Variants in PLCL2 observed in about 807,000 individuals in gnomAD.
PLCL2 encodes the protein phospholipase C like 2.
PLCL2 carries 4 observed loss-of-function variants against 79.6 expected under a neutral mutation model. The ratio of observed to expected loss-of-function variants is 0.05; its 90% CI spans 0.02 to 0.11. The LOEUF is 0.11. PLCL2 is among the 10% of genes least tolerant of loss of function. The pLI is 1.00. For missense variants in PLCL2, 895 were observed against 1,291.0 expected, an observed-to-expected ratio of 0.69 and a Z score of 4.70; for synonymous variants, 484 against 457.7, an observed-to-expected ratio of 1.06 and a Z score of -0.73.
intron 1 of PLCL2, among the ~76,000 whole-genome samples, chr3:16,916,565 G>A (rs1406673697): frequency 1.3e-5 from 2 of 152,174 alleles, no homozygotes; most frequent in African/African-American, 4.8e-5. Context: ...CACCCAGTAT[G>A]TCAAAGAAAA....
chr3:17,060,278 G>A (rs2064937562), intron 4 of PLCL2, among the ~76,000 whole-genome samples: 1 of 152,186 alleles, frequency 6.6e-6, no homozygotes, highest in African/African-American at 2.4e-5. Flanking sequence ...TTGTACTGCT[G>A]TGGATTTGGC....
chr3:17,020,295 T>C (rs1050578756), intron 3 of PLCL2, among the ~76,000 whole-genome samples: 21 of 152,208 alleles, frequency 1.4e-4, no homozygotes, highest in African/African-American at 4.8e-4. Context: ...CTAAAGTTTT[T>C]TGTTAATTTT....
chr3:16,994,970 T>A (rs2064139325), intron 1 of PLCL2, among the ~76,000 whole-genome samples: 2 of 152,134 alleles, frequency 1.3e-5, no homozygotes, highest in African/African-American at 4.8e-5. Flanking sequence ...TGAATTAGAG[T>A]GTCCAAAGGT....
intron 3 of PLCL2, among the ~76,000 whole-genome samples, chr3:17,016,729 C>A (rs932067201): frequency 6.6e-6 from 1 of 152,082 alleles, no homozygotes; most frequent in African/African-American, 2.4e-5. Context: ...CTAAATAGTT[C>A]TTGACTTAAG....
At position 17,010,784 on chromosome 3, in the gene PLCL2, A is replaced by G; in HGVS notation, c.1438A>G (p.Asn480Asp). 1 of 1,614,200 alleles carries G rather than the reference A, an allele frequency of 6.2e-7. No individual in the cohort carries two copies. Among genetic ancestry groups the G allele is most frequent in the East Asian group, 2.2e-5 (1 of 44,882 alleles). The change falls in exon 2 of 6, where the codon AAT becomes GAT. Residue 480 changes from asparagine to aspartate, a missense_variant. Around this residue, in one of 6 missense-constraint regions of PLCL2, gnomAD observed 242 missense variants for 399.5 expected, o/e 0.61. Transcript: ENST00000615277. The surrounding 1 kb of genome is among the most constrained non-coding windows in gnomAD (Gnocchi z 5.8). ...VELDVWDGPD[N>D]EPVIYTGHTM... The stretch of plus-strand genomic sequence containing the variant: ...ATTAGATGTATGGGATGGGCCGGAC[A>G]ATGAACCTGTAATTTACACAGGCCA...
At chr3:17,088,689 G>A (rs2065244857) in intron 5 of PLCL2, among the ~76,000 whole-genome samples, 1 of 152,168 alleles carries the variant, frequency 6.6e-6, no homozygotes, top group Admixed American at 6.5e-5. Context: ...AGTTAGCAAT[G>A]TCTGCAAACA....
At chr3:17,032,594 T>C (rs955908361) in intron 3 of PLCL2, among the ~76,000 whole-genome samples, 5 of 152,260 alleles carry the variant, frequency 3.3e-5, no homozygotes, top group African/African-American at 1.2e-4. Flanking sequence ...AAATGTGTAT[T>C]ACTAAGGACT....
intron 1 of PLCL2, among the ~76,000 whole-genome samples, chr3:16,946,303 G>A (rs192761440): frequency 4.1e-4 from 63 of 152,088 alleles, no homozygotes; most frequent in Admixed American, 1.5e-3. Flanking sequence ...GGACGCTTCG[G>A]AATTCCACAG....
intron 3 of PLCL2, among the ~76,000 whole-genome samples, chr3:17,021,595 TACACACACAC>T (rs35902619): frequency 2.9e-3 from 418 of 146,592 alleles, no homozygotes; most frequent in African/African-American, 0.01. Context: ...AAAGTATTCT[TACACACACAC>T]ACACACACAC....
At chr3:17,066,863 T>C (rs1418668371) in intron 4 of PLCL2, among the ~76,000 whole-genome samples, 2 of 152,132 alleles carry the variant, frequency 1.3e-5, no homozygotes, top group African/African-American at 4.8e-5. Context: ...TTTGATTATA[T>C]TTGCAAAGAG....
chr3:16,955,701 C>T (rs996227319), intron 1 of PLCL2, among the ~76,000 whole-genome samples: 2 of 152,262 alleles, frequency 1.3e-5, no homozygotes, highest in Admixed American at 6.5e-5. Flanking sequence ...TCTTTTATTT[C>T]GTTGAGCAGT....
At chr3:17,042,853 G>A in intron 3 of PLCL2, 21 bp from the exon 4 acceptor site, 7 of 1,572,000 alleles carry the variant, frequency 4.5e-6, no homozygotes, top group Non-Finnish European at 6.1e-6. Flanking sequence ...GTAATCTCAT[G>A]TCTGGATGTT....
At chr3:17,016,985 A>G (rs2064392277) in intron 3 of PLCL2, among the ~76,000 whole-genome samples, 1 of 152,188 alleles carries the variant, frequency 6.6e-6, no homozygotes, top group African/African-American at 2.4e-5. Context: ...AGGGCAGGCC[A>G]AGTTCAGGGG....
intron 1 of PLCL2, among the ~76,000 whole-genome samples, chr3:17,003,903 G>A (rs2064234589): frequency 6.6e-6 from 1 of 152,110 alleles, no homozygotes; most frequent in South Asian, 2.1e-4. Context: ...GAGCACCCAT[G>A]GAGAAGATTT....
chr3:17,033,948 T>TA (rs1260692466), intron 3 of PLCL2, among the ~76,000 whole-genome samples: 1 of 152,228 alleles, frequency 6.6e-6, no homozygotes, highest in East Asian at 1.9e-4. Flanking sequence ...CTGTGGTTTT[T>TA]ATTGCACAAT....
At chr3:17,006,309 C>T (rs2064259806) in intron 1 of PLCL2, among the ~76,000 whole-genome samples, 1 of 152,198 alleles carries the variant, frequency 6.6e-6, no homozygotes, top group South Asian at 2.1e-4. Flanking sequence ...GGGGCTCAGT[C>T]TCCTGCCATT....
At chr3:16,926,156 C>T (rs1184476557) in intron 1 of PLCL2, among the ~76,000 whole-genome samples, 3 of 152,042 alleles carry the variant, frequency 2.0e-5, no homozygotes, top group Admixed American at 6.6e-5. Context: ...ACTGCCATGC[C>T]CATCAGAATT....
intron 1 of PLCL2, among the ~76,000 whole-genome samples, chr3:16,942,814 G>T (rs1156967153): frequency 6.6e-6 from 1 of 152,126 alleles, no homozygotes; most frequent in Non-Finnish European, 1.5e-5. Context: ...GTTATCAAAT[G>T]ACTTCCACTT....
Position 16,943,583 on chromosome 3 carries a change from T to A in PLCL2, c.327+58217T>A, listed in dbSNP as rs146569229. On this transcript the variant is annotated intron_variant, in intron 1 of 5. Coordinates refer to ENST00000615277, the MANE Select transcript of PLCL2 (RefSeq NM_001144382.2). ...AAAAGAAAGTGAAAATTACCTACTTTCTTATGGTCTGTCCTTTTTAGTCTA... is the reference window on the plus strand; with the variant it reads ...AAAAGAAAGTGAAAATTACCTACTTACTTATGGTCTGTCCTTTTTAGTCTA... 2.0e-5 allele frequency among the ~76,000 whole-genome samples: 3 copies of A among 152,368 alleles called. No individual in the cohort carries two copies. In the East Asian group the frequency reaches 5.8e-4, roughly 29 times the overall value.
Sources: allele counts gnomAD v4.1 joint callset (sites outside exome capture counted in the v4.1 genomes callset), GRCh38; gene constraint gnomAD v4.1.1; regional missense constraint gnomAD v4.1.1; non-coding constraint Gnocchi (gnomAD v3.1); transcripts MANE v1.5; gene names NCBI Gene and HGNC (gene_info 2026-07-23, HGNC 2026-07-21).